ARHGEF37: variants seen among roughly 807,000 people sequenced by gnomAD.
The protein encoded by ARHGEF37 is Rho guanine nucleotide exchange factor (GEF) 37.
ARHGEF37 carries 55 observed loss-of-function variants against 71.1 expected under a neutral mutation model. The ratio of observed to expected loss-of-function variants is 0.77; its 90% CI spans 0.62 to 0.97. ARHGEF37 has a LOEUF of 0.97. Among genes scored for constraint, ARHGEF37 ranks in the 50% least tolerant of loss-of-function variants. ARHGEF37 has a pLI of 0.00. For missense variants in ARHGEF37, 765 were observed against 836.8 expected, an observed-to-expected ratio of 0.91 and a Z score of 1.06; for synonymous variants, 327 against 350.6, an observed-to-expected ratio of 0.93 and a Z score of 0.75.
At chr5:149,570,447 G>A (rs1762948916) in intron 1 of ARHGEF37, among the ~76,000 whole-genome samples, 1 of 151,526 alleles carries the variant, frequency 6.6e-6, no homozygotes, top group Admixed American at 6.6e-5. Context: ...ATGGTGGTGG[G>A]CACCTGTAAT....
At chr5:149,592,335 C>A (rs1321950525) in intron 1 of ARHGEF37, among the ~76,000 whole-genome samples, 1 of 152,218 alleles carries the variant, frequency 6.6e-6, no homozygotes, top group Non-Finnish European at 1.5e-5. Flanking sequence ...TCTAACCAGG[C>A]AGCCACAAAT....
In ARHGEF37 at chr5:149,554,343, A is replaced by T. The variant is rs566313561; in HGVS notation, c.-12+2220A>T. The stretch of plus-strand genomic sequence containing the variant: ...AGACCTTGTCTCAATAAATGAATGA[A>T]TGAATGAATGAATGATAGGTACTTG... On this transcript the variant is annotated intron_variant, in intron 1 of 2. Transcript: ENST00000505810. 1.3e-3 allele frequency among the ~76,000 whole-genome samples: 204 copies of T among 152,306 alleles called. 1 individual carries two copies. The highest frequency in any genetic ancestry group is 3.1e-3 in the Admixed American group (48 of 15,292).
In ARHGEF37 at chr5:149,601,169, G is replaced by A. The variant is rs774497361; in HGVS notation, c.248G>A (p.Ser83Asn). ...ATTGATGATATCATCAAAGTGAACA[G>A]CAGATTCCTCCATGATCTGCAGGAG... ...SNIDDIIKVN[S>N]RFLHDLQETA... Residue 83 changes from serine (S) to asparagine (N), a missense_variant, in exon 3 of 13, where the codon AGC becomes AAC. Physicochemically the swap from Ser to Asn is conservative, Grantham distance 46 (BLOSUM62 1). Transcript: ENST00000333677. 6.1e-5 allele frequency: 98 copies of A among 1,613,490 alleles called. No homozygotes were observed. The South Asian group carries it at 1.0e-3, about 17-fold the overall frequency.
At chr5:149,599,093 C>T (rs1763677103) in intron 2 of ARHGEF37, among the ~76,000 whole-genome samples, 1 of 152,174 alleles carries the variant, frequency 6.6e-6, no homozygotes. Context: ...TTCCACACAT[C>T]CTGAAACGTG....
intron 10 of ARHGEF37, among the ~76,000 whole-genome samples, chr5:149,626,618 C>A (rs540910476): frequency 6.6e-6 from 1 of 152,320 alleles, no homozygotes; most frequent in African/African-American, 2.4e-5. Context: ...TCAAAGGTTA[C>A]ATGCCCTCGT....
At chr5:149,587,936 G>A (rs1301401656) in intron 1 of ARHGEF37, among the ~76,000 whole-genome samples, 3 of 136,204 alleles carry the variant, frequency 2.2e-5, no homozygotes, top group South Asian at 2.3e-4. Context: ...TCACTCTGTC[G>A]CCCAGGCTGG....
chr5:149,597,702 C>G (rs759895335), intron 1 of ARHGEF37, 57 bp from the exon 2 acceptor site: 315 of 1,432,850 alleles, frequency 2.2e-4, no homozygotes, highest in Non-Finnish European at 2.7e-4. Context: ...GAATTAGAGA[C>G]AGCATGTCCC....
At chr5:149,631,946 C>T (rs767384017) in intron 12 of ARHGEF37, 36 bp from the exon 13 acceptor site, 2 of 1,605,790 alleles carry the variant, frequency 1.2e-6, no homozygotes, top group South Asian at 1.1e-5. Context: ...ACCTTCTCAC[C>T]CTGACCATTT....
At chr5:149,609,749 A>G (rs7443869) in intron 4 of ARHGEF37, 54 bp downstream of exon 4, 825,945 of 1,605,084 alleles carry the variant, frequency 0.51, 218,889 homozygotes, top group Non-Finnish European at 0.55. Context: ...CCGGTTCAGG[A>G]GCAGCTATGG....
intron 9 of ARHGEF37, among the ~76,000 whole-genome samples, chr5:149,622,344 A>C (rs1349699417): frequency 6.6e-6 from 1 of 152,242 alleles, no homozygotes; most frequent in African/African-American, 2.4e-5. Flanking sequence ...ATACAATGGC[A>C]GATCTTGGGA....
chr5:149,604,494 C>G (rs984438849), intron 3 of ARHGEF37, among the ~76,000 whole-genome samples: 1 of 152,002 alleles, frequency 6.6e-6, no homozygotes, highest in South Asian at 2.1e-4. Flanking sequence ...TCCTCCTCAT[C>G]CCTTGTCTCT....
rs202194505 is a variant in ARHGEF37, at chr5:149,597,478, C to G, written c.-11-281C>G. On this transcript the variant is annotated intron_variant, in intron 1 of 12. Transcript: ENST00000333677. ...TTCATCATGTTGGCCAGGCTGGTCTCGAACTCCTGACATCAGGTGATCTGC... is the reference window on the plus strand; with the variant it reads ...TTCATCATGTTGGCCAGGCTGGTCTGGAACTCCTGACATCAGGTGATCTGC... 3.3e-5 allele frequency among the ~76,000 whole-genome samples: 5 copies of G among 152,174 alleles called. No individual in the cohort carries two copies. In the East Asian group the frequency reaches 9.7e-4, roughly 29 times the overall value.
chr5:149,566,106 A>G (rs1762896070), intron 1 of ARHGEF37, among the ~76,000 whole-genome samples: 3 of 151,240 alleles, frequency 2.0e-5, no homozygotes, highest in South Asian at 4.2e-4. Flanking sequence ...TTGGCCGCCC[A>G]AAGTGCTGGG....
chr5:149,576,138 T>C (rs964536146), intron 1 of ARHGEF37, among the ~76,000 whole-genome samples: 1 of 152,164 alleles, frequency 6.6e-6, no homozygotes, highest in Non-Finnish European at 1.5e-5. Flanking sequence ...CCAGCTGCTC[T>C]GGATGCCTAG....
intron 10 of ARHGEF37, among the ~76,000 whole-genome samples, chr5:149,625,526 G>T (rs552523857): frequency 1.4e-3 from 211 of 152,338 alleles, no homozygotes; most frequent in African/African-American, 4.9e-3. Context: ...TGGCCCAAGT[G>T]CCGCGAACAT....
rs540494134 is a variant in ARHGEF37, at chr5:149,569,256, A to C, written c.-12+17133A>C. ...TTTCATTTATTTTGGTCAAATACCA[A>C]CTAGTTGAATTGCTGGGTCCTAGTA... On this transcript the variant is annotated intron_variant, in intron 1 of 2. Transcript: ENST00000505810. 2.2e-3 allele frequency among the ~76,000 whole-genome samples: 340 copies of C among 151,852 alleles called. 1 individual carries two copies. Among genetic ancestry groups the C allele is most frequent in the African/African-American group, 7.9e-3 (327 of 41,460 alleles).
At chr5:149,552,695 G>C (rs921262550) in intron 1 of ARHGEF37, among the ~76,000 whole-genome samples, 3 of 152,022 alleles carry the variant, frequency 2.0e-5, no homozygotes, top group Non-Finnish European at 1.5e-5. Context: ...AAAATTAGCC[G>C]GGTGTGATGG....
intron 7 of ARHGEF37, among the ~76,000 whole-genome samples, chr5:149,619,410 T>C (rs1752471234): frequency 6.6e-6 from 1 of 152,130 alleles, no homozygotes; most frequent in African/African-American, 2.4e-5. Flanking sequence ...TCCAATGCAA[T>C]AGGAGCCTAG....
chr5:149,604,855 G>T (rs1300383683), intron 3 of ARHGEF37, among the ~76,000 whole-genome samples: 1 of 150,612 alleles, frequency 6.6e-6, no homozygotes. Context: ...GCTAATTTTT[G>T]TATTTTTAGT....
Sources: allele counts gnomAD v4.1 joint callset (sites outside exome capture counted in the v4.1 genomes callset), GRCh38; gene constraint gnomAD v4.1.1; transcripts MANE v1.5; gene names NCBI Gene and HGNC (gene_info 2026-07-23, HGNC 2026-07-21).